The following NAA40 variants were observed in gnomAD, a reference collection of about 807,000 sequenced individuals.
The protein encoded by NAA40 is N-alpha-acetyltransferase 40.
Under a neutral mutation model 36.6 loss-of-function variants are expected in NAA40, and 26 were observed. The observed-to-expected ratio is 0.71, with a 90% confidence interval of 0.52 to 0.98. NAA40 has a LOEUF of 0.98. NAA40 is among the 50% of genes least tolerant of loss of function. The pLI, the probability that NAA40 is intolerant of heterozygous loss-of-function variation, is 0.00. For synonymous variants in NAA40, 129 were observed against 108.4 expected (o/e 1.19, Z -1.18); for missense variants, 237 against 306.5 (o/e 0.77, Z 1.69).
chr11:63,939,008 T>A lies in NAA40; in HGVS notation c.-89T>A. On this transcript the variant is annotated 5_prime_UTR_variant, in exon 1 of 8. Transcript: ENST00000377793. ...GCATGCGCGTTGCAGGGCCGTCCGC[T>A]CTGCTGCCGCCGCTGTTGCAGCCAC... The A allele has an allele frequency of 9.2e-7, 1 of 1,085,726 alleles. No homozygotes were observed. Among genetic ancestry groups the A allele is most frequent in the Non-Finnish European group, 1.3e-6 (1 of 755,712 alleles). 67.3% of individuals were successfully genotyped at this position (1,085,726 alleles called of 1,614,324 possible).
rs1229683768 is a variant in NAA40, at chr11:63,955,510, C to G, written c.*1031C>G. 6.5e-6 allele frequency: 1 copy of G among 152,756 alleles called. No homozygotes were observed. The highest frequency in any genetic ancestry group is 1.5e-5 in the Non-Finnish European group (1 of 68,118). 9.5% of individuals were successfully genotyped at this position (152,756 alleles called of 1,614,324 possible). A position where few individuals can be genotyped will look rare whatever the true frequency, so the allele number is the denominator to read the frequency against. On this transcript the variant is annotated 3_prime_UTR_variant, in exon 8 of 8. Transcript: ENST00000377793. ...TAGGGCACACCTCCCCACAGCCACCCTCCCTCTTCAGAGAGCCCCCAGCCA... is the reference window on the plus strand; with the variant it reads ...TAGGGCACACCTCCCCACAGCCACCGTCCCTCTTCAGAGAGCCCCCAGCCA...
At chr11:63,947,221 A>T (rs943347392) in intron 3 of NAA40, among the ~76,000 whole-genome samples, 1 of 152,270 alleles carries the variant, frequency 6.6e-6, no homozygotes, top group Middle Eastern at 3.4e-3. Context: ...AGCCTGGCTA[A>T]CATAGTGAAA....
At chr11:63,948,816 T>C (rs1942229346) in intron 3 of NAA40, among the ~76,000 whole-genome samples, 1 of 152,104 alleles carries the variant, frequency 6.6e-6, no homozygotes. Flanking sequence ...CACCTCGGCC[T>C]CCTAAAGTGC....
Position 63,954,524 on chromosome 11 carries a change from T to A in NAA40, c.*45T>A. On this transcript the variant is annotated 3_prime_UTR_variant, in exon 8 of 8. Coordinates refer to ENST00000377793, the MANE Select transcript of NAA40 (RefSeq NM_024771.4). Reference sequence around the variant, plus strand: ...AGTCACAATGCTCTCTCCTAAGGCCTTTCCTCTTTCCTGGTCTCACTGTTC... The same window carrying A: ...AGTCACAATGCTCTCTCCTAAGGCCATTCCTCTTTCCTGGTCTCACTGTTC... 6.5e-7 allele frequency: 1 copy of A among 1,536,786 alleles called. No individual in the cohort carries two copies. Among genetic ancestry groups the A allele is most frequent in the South Asian group, 1.3e-5 (1 of 77,888 alleles).
At chr11:63,948,659 A>T (rs1462226179) in intron 3 of NAA40, among the ~76,000 whole-genome samples, 4 of 152,072 alleles carry the variant, frequency 2.6e-5, no homozygotes, top group Admixed American at 1.3e-4. Flanking sequence ...CGGAGCTTGC[A>T]GTGAGCCAAG....
Position 63,955,114 on chromosome 11 carries a change from G to A in NAA40, c.*635G>A, listed in dbSNP as rs975303736. 6 of 152,592 alleles carry A rather than the reference G, an allele frequency of 3.9e-5. No homozygotes were observed. The highest frequency in any genetic ancestry group is 1.4e-4 in the African/African-American group (6 of 41,410). The allele number at this position is 152,592 out of a possible 1,614,324, so 9.5% of individuals were successfully genotyped here. ...TGGGACCAGCTGACTCTGGGAGGAA[G>A]ACTGCCTCTCCATCGCTGTCAGAGA... On this transcript the variant is annotated 3_prime_UTR_variant, in exon 8 of 8. Coordinates refer to ENST00000377793, the MANE Select transcript of NAA40 (RefSeq NM_024771.4).
rs1942320289 is a variant in NAA40, at chr11:63,953,911, C to T, written c.495-61C>T. On this transcript the variant is annotated intron_variant, in intron 6 of 7. Coordinates refer to ENST00000377793, the MANE Select transcript of NAA40 (RefSeq NM_024771.4). ...CCTCAAAGTGCTGGGATTACAGGTG[C>T]ATGCCACCATGCCTGGCCATGTTTC... 8 of 1,449,926 alleles carry T rather than the reference C, an allele frequency of 5.5e-6. No individual in the cohort carries two copies. The Admixed American group carries it at 1.0e-4, about 18-fold the overall frequency. The allele number at this position is 1,449,926 out of a possible 1,614,324, so 89.8% of individuals were successfully genotyped here.
At chr11:63,941,855 G>C (rs1942114261) in intron 1 of NAA40, among the ~76,000 whole-genome samples, 1 of 152,110 alleles carries the variant, frequency 6.6e-6, no homozygotes, top group Non-Finnish European at 1.5e-5. Context: ...CGCCCAGCCT[G>C]GGTGTGTTTT....
rs779072929 is a variant in NAA40 at position 63,955,051 on chromosome 11, T to G, written c.*572T>G. 6.6e-6 allele frequency: 1 copy of G among 152,586 alleles called. No individual in the cohort carries two copies. The highest frequency in any genetic ancestry group is 1.5e-5 in the Non-Finnish European group (1 of 68,044). The allele number at this position is 152,586 out of a possible 1,614,324, so 9.5% of individuals were successfully genotyped here. A position where few individuals can be genotyped will look rare whatever the true frequency, so the allele number is the denominator to read the frequency against. On this transcript the variant is annotated 3_prime_UTR_variant, in exon 8 of 8. Coordinates refer to ENST00000377793, the MANE Select transcript of NAA40 (RefSeq NM_024771.4). ...ATGCAGGGAAATGAAGAAAGCTCTTTCCAGCTGTTTTTATGGATTCATGGA... is the reference window on the plus strand; with the variant it reads ...ATGCAGGGAAATGAAGAAAGCTCTTGCCAGCTGTTTTTATGGATTCATGGA...
At chr11:63,942,617 T>C (rs2134266776) in intron 1 of NAA40, among the ~76,000 whole-genome samples, 1 of 152,358 alleles carries the variant, frequency 6.6e-6, no homozygotes, top group African/African-American at 2.4e-5. Context: ...TTCACTGTGC[T>C]TATTATCCAT....
At chr11:63,943,397 T>C (rs934341738) in intron 1 of NAA40, among the ~76,000 whole-genome samples, 2 of 152,202 alleles carry the variant, frequency 1.3e-5, no homozygotes, top group African/African-American at 2.4e-5. Context: ...GCCGAGTGGT[T>C]GCTGAGGGCT....
At chr11:63,939,919 G>T (rs558180427) in intron 1 of NAA40, among the ~76,000 whole-genome samples, 1 of 152,188 alleles carries the variant, frequency 6.6e-6, no homozygotes, top group Non-Finnish European at 1.5e-5. Context: ...ACTTTCCCGG[G>T]ATATAGGGTA....
At chr11:63,941,604 G>A (rs753550013) in intron 1 of NAA40, among the ~76,000 whole-genome samples, 16 of 151,812 alleles carry the variant, frequency 1.1e-4, no homozygotes, top group African/African-American at 3.6e-4. Context: ...CCAGGCTGGA[G>A]TGCAGTGGCA....
intron 3 of NAA40, 77 bp from the exon 4 acceptor site, chr11:63,952,161 T>C: frequency 8.8e-7 from 1 of 1,140,180 alleles, no homozygotes; most frequent in Non-Finnish European, 1.3e-6. Context: ...TTCCTCCCTG[T>C]GATTCTGAGG....
intron 3 of NAA40, 44 bp downstream of exon 3, chr11:63,947,047 C>T: frequency 1.3e-6 from 2 of 1,564,902 alleles, no homozygotes; most frequent in Non-Finnish European, 1.8e-6. Context: ...CCTCGAGTGT[C>T]TTCAGGAATT....
At chr11:63,939,244 C>A in intron 1 of NAA40, 142 bp downstream of exon 1, 1 of 1,303,080 alleles carries the variant, frequency 7.7e-7, no homozygotes, top group Non-Finnish European at 9.9e-7. Context: ...GACCCGACTC[C>A]CCCATTCTAA....
In NAA40 at chr11:63,952,480, C is replaced by T; in HGVS notation, c.325C>T (p.Leu109Phe). Residue 109 changes from leucine to phenylalanine, a missense_variant, in exon 5 of 8, where the codon CTC becomes TTC. Coordinates refer to ENST00000377793, the MANE Select transcript of NAA40 (RefSeq NM_024771.4). Reference protein sequence around the residue: ...EEMTDDRAWYLIAWENSSVPV... With the variant: ...EEMTDDRAWYFIAWENSSVPV... ...AATGACAGATGACCGAGCCTGGTAC[C>T]TCATCGCGTGGGAAAACAGCTCCGT... The T allele has an allele frequency of 6.2e-7, 1 of 1,614,148 alleles. No homozygotes were observed. The highest frequency in any genetic ancestry group is 8.5e-7 in the Non-Finnish European group (1 of 1,180,028).
intron 3 of NAA40, among the ~76,000 whole-genome samples, chr11:63,950,862 G>A (rs1034557002): frequency 6.6e-6 from 1 of 152,210 alleles, no homozygotes; most frequent in South Asian, 2.1e-4. Context: ...CTGGTGCCTT[G>A]AATTTTGTGT....
Position 63,945,821 on chromosome 11 carries a change from T to C in NAA40, c.7-19T>C. ...TTGGCCACAGCCATTCCAGCTAACGTTGCTTTTCCCTGTTGCAGAGAAAGT... is the reference window on the plus strand; with the variant it reads ...TTGGCCACAGCCATTCCAGCTAACGCTGCTTTTCCCTGTTGCAGAGAAAGT... On this transcript the variant is annotated intron_variant, in intron 1 of 7. Transcript: ENST00000377793. 6.2e-7 allele frequency: 1 copy of C among 1,610,112 alleles called. No individual in the cohort carries two copies. Among genetic ancestry groups the C allele is most frequent in the Non-Finnish European group, 8.5e-7 (1 of 1,176,362 alleles).
Sources: gnomAD v4.1 joint callset for allele counts (sites outside exome capture counted in the v4.1 genomes callset) on GRCh38, gnomAD v4.1.1 for gene constraint, MANE v1.5 for transcripts, NCBI Gene and HGNC (gene_info 2026-07-23, HGNC 2026-07-21) for gene names.